The following SLC24A2 variants were observed in gnomAD, a reference collection of about 807,000 sequenced individuals.
SLC24A2 encodes sodium/potassium/calcium exchanger 2.
In SLC24A2, 36 loss-of-function variants were observed where a neutral mutation model predicts 62.0. The ratio of observed to expected loss-of-function variants is 0.58; its 90% CI spans 0.44 to 0.77. The LOEUF (loss-of-function observed/expected upper bound fraction) is 0.77. Among genes scored for constraint, SLC24A2 ranks in the 30% least tolerant of loss-of-function variants. SLC24A2 has a pLI of 0.00. For synonymous variants in SLC24A2, 358 were observed against 294.0 expected (o/e 1.22, Z -2.23); for missense variants, 846 against 817.9 (o/e 1.03, Z -0.42).
At chr9:19,999,405 C>T in the SLC24A2 span, among the ~76,000 whole-genome samples, 1 of 152,162 alleles carries the variant, frequency 6.6e-6, no homozygotes, top group African/African-American at 2.4e-5. Context: ...TATTCTTGGA[C>T]AAATGGTACC....
the SLC24A2 span, among the ~76,000 whole-genome samples, chr9:20,244,031 G>A: frequency 4.6e-5 from 7 of 152,244 alleles, no homozygotes; most frequent in South Asian, 2.1e-4. Flanking sequence ...GTGAAACTGC[G>A]CTGGCTTCAG....
chr9:20,027,718 A>C, the SLC24A2 span, among the ~76,000 whole-genome samples: 481 of 152,236 alleles, frequency 3.2e-3, 3 homozygotes, highest in African/African-American at 0.011. Flanking sequence ...AGGAGGGATA[A>C]ATTTTAAGAT....
At chr9:20,214,268 G>A in the SLC24A2 span, among the ~76,000 whole-genome samples, 1 of 152,170 alleles carries the variant, frequency 6.6e-6, no homozygotes, top group Admixed American at 6.6e-5. Context: ...TGAATAAGCT[G>A]TGAAGATCTG....
chr9:19,655,122 T>C (rs2065460223), intron 2 of SLC24A2, among the ~76,000 whole-genome samples: 1 of 152,220 alleles, frequency 6.6e-6, no homozygotes, highest in Non-Finnish European at 1.5e-5. Flanking sequence ...TTCTAGGCCT[T>C]ACACTGTGTA....
the SLC24A2 span, among the ~76,000 whole-genome samples, chr9:20,141,865 T>C: frequency 6.6e-6 from 1 of 152,276 alleles, no homozygotes; most frequent in African/African-American, 2.4e-5. Context: ...GGTGAATCAC[T>C]TGAGCTCAGG....
At chr9:19,860,316 C>T in the SLC24A2 span, among the ~76,000 whole-genome samples, 4 of 152,170 alleles carry the variant, frequency 2.6e-5, no homozygotes, top group African/African-American at 9.7e-5. Context: ...GGCCCTATCT[C>T]CCAGACATTT....
intron 8 of SLC24A2, among the ~76,000 whole-genome samples, chr9:19,535,849 C>A (rs1833942510): frequency 6.6e-6 from 1 of 152,060 alleles, no homozygotes; most frequent in African/African-American, 2.4e-5. Context: ...TCCATATGAA[C>A]TTTAAAGCAG....
chr9:20,140,460 T>C, the SLC24A2 span, among the ~76,000 whole-genome samples: 31 of 152,326 alleles, frequency 2.0e-4, no homozygotes, highest in African/African-American at 7.5e-4. Flanking sequence ...GATGGTAAAC[T>C]TTCTATTCCC....
the SLC24A2 span, among the ~76,000 whole-genome samples, chr9:19,936,325 G>A: frequency 3.9e-5 from 6 of 152,186 alleles, no homozygotes; most frequent in Non-Finnish European, 7.4e-5. Flanking sequence ...CCAGGCTGGA[G>A]TAGGGTGACA....
chr9:19,731,453 T>C (rs1821331058), intron 2 of SLC24A2, among the ~76,000 whole-genome samples: 1 of 152,172 alleles, frequency 6.6e-6, no homozygotes, highest in South Asian at 2.1e-4. Context: ...GGCTTTGATC[T>C]AATATTTGTG....
chr9:19,873,542 C>CTTTCTTTA, the SLC24A2 span, among the ~76,000 whole-genome samples: 1 of 137,574 alleles, frequency 7.3e-6, no homozygotes, highest in Non-Finnish European at 1.6e-5. Context: ...CTTTCTCTTT[C>CTTTCTTTA]TTTCTTTCTT....
the SLC24A2 span, among the ~76,000 whole-genome samples, chr9:19,830,455 T>C: frequency 5.3e-5 from 8 of 152,210 alleles, no homozygotes; most frequent in East Asian, 3.9e-4. Context: ...AGTAGCTACA[T>C]TTTACAAATC....
intron 2 of SLC24A2, among the ~76,000 whole-genome samples, chr9:19,668,471 G>A (rs1269235381): frequency 6.6e-6 from 1 of 152,184 alleles, no homozygotes; most frequent in Non-Finnish European, 1.5e-5. Context: ...GCATGCCTAT[G>A]CTCAATCTTT....
the SLC24A2 span, among the ~76,000 whole-genome samples, chr9:19,853,316 T>C: frequency 6.6e-6 from 1 of 152,210 alleles, no homozygotes; most frequent in African/African-American, 2.4e-5. Context: ...TCTTGCCTGA[T>C]TGCCCTGGCC....
At chr9:19,851,302 G>A in the SLC24A2 span, among the ~76,000 whole-genome samples, 2 of 151,606 alleles carry the variant, frequency 1.3e-5, no homozygotes, top group Non-Finnish European at 2.9e-5. Context: ...TGGGATTACA[G>A]GTGTGAGCTA....
chr9:19,907,654 A>G, the SLC24A2 span, among the ~76,000 whole-genome samples: 6,801 of 152,244 alleles, frequency 0.045, 269 homozygotes, highest in East Asian at 0.21. Context: ...TCAATGTGCA[A>G]AAATCAAAAA....
chr9:19,779,771 T>A (rs558313925), intron 2 of SLC24A2, among the ~76,000 whole-genome samples: 28 of 152,318 alleles, frequency 1.8e-4, no homozygotes, highest in South Asian at 1.5e-3. Flanking sequence ...TTACAAAACA[T>A]CAAGGTAGGC....
the SLC24A2 span, among the ~76,000 whole-genome samples, chr9:20,029,655 A>G: frequency 1.3e-5 from 2 of 152,202 alleles, no homozygotes; most frequent in Non-Finnish European, 2.9e-5. Flanking sequence ...TACATAGATT[A>G]TTGCATTTAA....
chr9:19,786,920 G>A lies in SLC24A2; in HGVS notation c.-54C>T, dbSNP rs570500340. ...TTCCAACTTTAGACTCAACCAGATG[G>A]TTCTTTCATACTTTTCCTTACTTTA... is the stretch of plus-strand genomic sequence containing the variant. On this transcript the variant is annotated 5_prime_UTR_variant, in exon 2 of 11. Transcript: ENST00000341998. The surrounding 1 kb of genome is among the most constrained non-coding windows in gnomAD (Gnocchi z 5.0). 2.5e-6 allele frequency: 4 copies of A among 1,593,770 alleles called. No homozygotes were observed. The highest frequency in any genetic ancestry group is 3.4e-6 in the Non-Finnish European group (4 of 1,177,312).
Sources: allele counts gnomAD v4.1 joint callset (sites outside exome capture counted in the v4.1 genomes callset), GRCh38; gene constraint gnomAD v4.1.1; non-coding constraint Gnocchi (gnomAD v3.1); transcripts MANE v1.5; gene names NCBI Gene and HGNC (gene_info 2026-07-23, HGNC 2026-07-21).